Variants in PIGX observed in about 807,000 individuals in gnomAD.
PIGX encodes the protein phosphatidylinositol glycan anchor biosynthesis class X.
In PIGX, 24 loss-of-function variants were observed where a neutral mutation model predicts 28.7. The ratio of observed to expected loss-of-function variants is 0.84; its 90% confidence interval spans 0.60 to 1.17. The LOEUF (loss-of-function observed/expected upper bound fraction) is 1.17. Among genes scored for constraint, PIGX ranks in the 50% most tolerant of loss-of-function variants. The pLI, the probability that PIGX is intolerant of heterozygous loss-of-function variation, is 0.00. For missense variants in PIGX, 305 were observed against 317.8 expected, an observed-to-expected ratio of 0.96 and a Z score of 0.31; for synonymous variants, 127 against 121.0, an observed-to-expected ratio of 1.05 and a Z score of -0.33.
chr3:196,722,301 C>T, intron 2 of PIGX, 114 bp from the exon 3 acceptor site: 1 of 729,378 alleles, frequency 1.4e-6, no homozygotes, highest in Admixed American at 2.7e-5. Context: ...TTATAATCTA[C>T]TTTTGGAAAA....
At chr3:196,728,824 C>T (rs376269623) in intron 4 of PIGX, 4 of 760,786 alleles carry the variant, frequency 5.3e-6, no homozygotes, top group Non-Finnish European at 9.6e-6. Context: ...TTTCTTTTTG[C>T]AGCCATTGGT....
intron 3 of PIGX, 107 bp from the exon 4 acceptor site, chr3:196,727,816 C>A: frequency 1.5e-6 from 1 of 654,018 alleles, no homozygotes; most frequent in Non-Finnish European, 2.5e-6. Context: ...ATAAAAGGGG[C>A]AAATTTGACA....
intron 2 of PIGX, among the ~76,000 whole-genome samples, chr3:196,718,504 A>G (rs1315633207): frequency 6.6e-6 from 1 of 152,176 alleles, no homozygotes; most frequent in South Asian, 2.1e-4. Flanking sequence ...AGAGGATCAT[A>G]CAATTTTTAT....
chr3:196,719,822 C>T (rs566227681), intron 2 of PIGX, among the ~76,000 whole-genome samples: 64 of 151,212 alleles, frequency 4.2e-4, no homozygotes, highest in African/African-American at 1.2e-3. Context: ...TATGGGGTCT[C>T]GCTCTGTTGC....
At chr3:196,732,284 TTTTA>T (rs1560080884) in intron 5 of PIGX, among the ~76,000 whole-genome samples, 22 of 74,148 alleles carry the variant, frequency 3.0e-4, no homozygotes, top group African/African-American at 1.4e-3. Context: ...TTTTTTTTTA[TTTTA>T]TTTTTTTTTT....
At chr3:196,713,186 G>GACAGAAACATCCTCA in intron 1 of PIGX, 4 of 686,934 alleles carry the variant, frequency 5.8e-6, no homozygotes, top group Non-Finnish European at 7.2e-6. Flanking sequence ...AAATGAGGAT[G>GACAGAAACATCCTCA]TTTCTGTCAT....
At chr3:196,719,383 G>T (rs188085225) in intron 2 of PIGX, among the ~76,000 whole-genome samples, 1 of 151,976 alleles carries the variant, frequency 6.6e-6, no homozygotes, top group Non-Finnish European at 1.5e-5. Flanking sequence ...ACAATGTGCA[G>T]GTTTGTTACA....
chr3:196,721,175 A>G lies in PIGX; in HGVS notation c.177-1240A>G, dbSNP rs370152127. 3.4e-5 allele frequency: 13 copies of G among 377,462 alleles called. No individual in the cohort carries two copies. In the East Asian group the frequency reaches 5.6e-4, roughly 16 times the overall value. The allele number at this position is 377,462 out of a possible 1,614,324, so 23.4% of individuals were successfully genotyped here. ...TCTGTTACATTCTCTTCTCTTTTTT[A>G]GGAACTCCAAATATATGTATACTAG... is the stretch of plus-strand genomic sequence containing the variant. On this transcript the variant is annotated intron_variant, in intron 2 of 5. Coordinates refer to ENST00000392391, the MANE Select transcript of PIGX (RefSeq NM_017861.4).
At chr3:196,717,800 T>A (rs946254971) in intron 2 of PIGX, 34 of 152,162 alleles carry the variant, frequency 2.2e-4, no homozygotes. Flanking sequence ...TCACTATGTC[T>A]TACTACAGTT....
chr3:196,730,750 A>C (rs1359741988), intron 4 of PIGX, among the ~76,000 whole-genome samples: 2 of 145,118 alleles, frequency 1.4e-5, no homozygotes, highest in African/African-American at 5.5e-5. Context: ...TCTGTCTCAA[A>C]AAAAAAAAAA....
chr3:196,725,384 C>T (rs1057392565), intron 3 of PIGX, among the ~76,000 whole-genome samples: 1 of 151,998 alleles, frequency 6.6e-6, no homozygotes, highest in African/African-American at 2.4e-5. Flanking sequence ...GCAGAGATAT[C>T]CGAGAGAAGG....
At position 196,724,004 on chromosome 3, in the gene PIGX, A is replaced by AT. The variant is rs555590028; in HGVS notation, c.318+1457dup. On this transcript the variant is annotated intron_variant, in intron 3 of 5. Transcript: ENST00000392391. Reference sequence around the variant, plus strand: ...ACACATACAATTATGGAAGGACCTCATTTTTTTTTAATTTAATGTTTTTTT... The same window carrying AT: ...ACACATACAATTATGGAAGGACCTCATTTTTTTTTTAATTTAATGTTTTTTT... Among the ~76,000 whole-genome samples the AT allele has an allele frequency of 1.1e-4, 16 of 143,032 alleles. No homozygotes were observed. In the South Asian group the frequency reaches 2.7e-3, roughly 24 times the overall value. The allele number at this position is 143,032 out of a possible 152,430, so 93.8% of individuals were successfully genotyped here. A position where few individuals can be genotyped will look rare whatever the true frequency, so the allele number is the denominator to read the frequency against.
At chr3:196,723,924 A>G (rs1048802159) in intron 3 of PIGX, among the ~76,000 whole-genome samples, 3 of 152,024 alleles carry the variant, frequency 2.0e-5, no homozygotes, top group African/African-American at 7.2e-5. Flanking sequence ...GCCTGTGTCA[A>G]CCACTAATCA....
chr3:196,725,554 G>A (rs867396727), intron 3 of PIGX, among the ~76,000 whole-genome samples: 47 of 152,154 alleles, frequency 3.1e-4, no homozygotes, highest in African/African-American at 1.1e-3. Context: ...TAGAATTCAC[G>A]GGACAGTGTA....
intron 1 of PIGX, 22 bp downstream of exon 1, chr3:196,712,666 G>A: frequency 8.4e-7 from 1 of 1,183,666 alleles, no homozygotes; most frequent in Non-Finnish European, 1.0e-6. Flanking sequence ...GGGGCTTGGG[G>A]GGCCAGAGCG....
At chr3:196,714,463 C>CTTT (rs35728280) in intron 1 of PIGX, among the ~76,000 whole-genome samples, 10 of 138,918 alleles carry the variant, frequency 7.2e-5, no homozygotes, top group Middle Eastern at 3.4e-3. Context: ...GGCCCTGTCT[C>CTTT]TTTTTTTTTT....
chr3:196,721,050 TTGTATTTATCC>T (rs1712302610), intron 2 of PIGX: 1 of 187,718 alleles, frequency 5.3e-6, no homozygotes, highest in Non-Finnish European at 1.1e-5. Flanking sequence ...GTGATTTTCT[TTGTATTTATCC>T]TGCTTAGGGT....
chr3:196,732,590 A>G (rs2108691777), intron 5 of PIGX, among the ~76,000 whole-genome samples: 1 of 151,918 alleles, frequency 6.6e-6, no homozygotes, highest in South Asian at 2.1e-4. Flanking sequence ...AACTTTATAT[A>G]TATTTCATCT....
At chr3:196,713,968 G>A (rs1368405405) in intron 1 of PIGX, among the ~76,000 whole-genome samples, 1 of 151,970 alleles carries the variant, frequency 6.6e-6, no homozygotes, top group East Asian at 1.9e-4. Flanking sequence ...TGGTACTTTT[G>A]CCTTTAAAAT....
Sources: gnomAD v4.1 joint callset for allele counts (sites outside exome capture counted in the v4.1 genomes callset) on GRCh38, gnomAD v4.1.1 for gene constraint, MANE v1.5 for transcripts, NCBI Gene and HGNC (gene_info 2026-07-23, HGNC 2026-07-21) for gene names.